The following PPM1G variants were observed in gnomAD, a reference collection of about 807,000 sequenced individuals.
The protein encoded by PPM1G is protein phosphatase 1G.
Under a neutral mutation model 59.4 loss-of-function variants are expected in PPM1G, and 12 were observed. The observed-to-expected ratio is 0.20, with a 90% confidence interval of 0.13 to 0.33. PPM1G has a LOEUF of 0.33. PPM1G is among the 10% of genes least tolerant of loss of function. The probability of loss-of-function intolerance (pLI) is 1.00; values close to 1 mark genes in which losing one functional copy is unlikely to be tolerated. For missense variants in PPM1G, 392 were observed against 681.3 expected (o/e 0.58, Z 4.73); for synonymous variants, 245 against 251.9 (o/e 0.97, Z 0.26).
intron 1 of PPM1G, among the ~76,000 whole-genome samples, chr2:27,404,544 C>T (rs551374373): frequency 5.8e-4 from 88 of 150,436 alleles, no homozygotes; most frequent in African/African-American, 1.3e-3. Flanking sequence ...TGCGAGACTC[C>T]GTTTCAAAAA....
intron 1 of PPM1G, 128 bp downstream of exon 1, chr2:27,409,175 G>A: frequency 7.5e-7 from 1 of 1,330,574 alleles, no homozygotes; most frequent in Non-Finnish European, 9.8e-7. Flanking sequence ...CTGTCGCCCC[G>A]CAAACGGCCG....
Position 27,384,528 on chromosome 2 carries a change from GAATT to G in PPM1G, c.825+141_825+144del. On this transcript the variant is annotated intron_variant, in intron 5 of 9. Coordinates refer to ENST00000344034, the MANE Select transcript of PPM1G (RefSeq NM_177983.3). This position sits in a 1 kb window ranked among gnomAD's most constrained non-coding sequence, Gnocchi z 4.8. ...GGTACCTGTGATGATGGAGCTCAAT[GAATT>G]CAAGACTAAAGCTTAGAATACAGTG... 9.7e-7 allele frequency: 1 copy of G among 1,033,094 alleles called. No individual in the cohort carries two copies. The allele number at this position is 1,033,094 out of a possible 1,614,324, so 64.0% of individuals were successfully genotyped here.
intron 1 of PPM1G, among the ~76,000 whole-genome samples, chr2:27,395,516 G>C (rs1217131251): frequency 6.6e-6 from 1 of 151,956 alleles, no homozygotes; most frequent in Non-Finnish European, 1.5e-5. Context: ...GCAATAGAGT[G>C]AGACTCTGTC....
intron 1 of PPM1G, among the ~76,000 whole-genome samples, chr2:27,395,352 C>T (rs746811673): frequency 2.7e-5 from 4 of 150,370 alleles, no homozygotes; most frequent in Non-Finnish European, 5.9e-5. Flanking sequence ...GCCAACATGG[C>T]AAAACCCCAT....
intron 1 of PPM1G, among the ~76,000 whole-genome samples, chr2:27,388,874 CA>C (rs376279784): frequency 0.56 from 65,395 of 116,740 alleles, 16,817 homozygotes; most frequent in African/African-American, 0.75. Context: ...GACTCCGTCT[CA>C]AAAAAAAAAA....
intron 1 of PPM1G, among the ~76,000 whole-genome samples, chr2:27,405,387 A>G (rs1344866016): frequency 6.6e-6 from 1 of 151,730 alleles, no homozygotes; most frequent in African/African-American, 2.4e-5. Flanking sequence ...TCTTAATCCC[A>G]AAGTACATAC....
Position 27,384,910 on chromosome 2 carries a change from A to C in PPM1G, c.588T>G (p.Thr196=). Residue 196 remains threonine (T), a synonymous_variant, in exon 5 of 10, where the codon ACT becomes ACG. Transcript: ENST00000344034. The surrounding 1 kb of genome is among the most constrained non-coding windows in gnomAD (Gnocchi z 4.8). Reference sequence around the variant, plus strand: ...CATTTTCTTGTGAAGGAGTTTCCCTAGTTGAGTCCTCAGGTCCTGCCTCCC... The same window carrying C: ...CATTTTCTTGTGAAGGAGTTTCCCTCGTTGAGTCCTCAGGTCCTGCCTCCC... ...LNGEAGPEDS[T]RETPSQENGP... 1 of 1,614,186 alleles carries C rather than the reference A, an allele frequency of 6.2e-7. No individual in the cohort carries two copies.
At chr2:27,403,040 A>G (rs1185850514) in intron 1 of PPM1G, among the ~76,000 whole-genome samples, 2 of 152,066 alleles carry the variant, frequency 1.3e-5, no homozygotes, top group Non-Finnish European at 2.9e-5. Context: ...GTAAAGGCAG[A>G]TAAGTGTAGT....
chr2:27,381,924 T>A (rs1364854916), intron 9 of PPM1G, 119 bp from the exon 10 acceptor site: 11 of 1,104,796 alleles, frequency 1.0e-5, no homozygotes, highest in Non-Finnish European at 1.3e-5. Context: ...GGGCAAGAGG[T>A]ATCACACAAC....
rs1455587868 is a variant in PPM1G at position 27,383,986 on chromosome 2, T to C, written c.932A>G (p.Glu311Gly). 6.5e-7 allele frequency: 1 copy of C among 1,550,070 alleles called. No homozygotes were observed. Among genetic ancestry groups the C allele is most frequent in the African/African-American group, 1.4e-5 (1 of 72,570 alleles). The part of the protein sequence containing the change: ...AEEDDEEEEE[E>G]MMVPGMEGKE... ...GCCTTCCATCCCTGGCACCATCATC[T>C]CTTCTTCTTCTTCTTCATCGTCCTC... is the stretch of plus-strand genomic sequence containing the variant. Residue 311 changes from glutamate to glycine, a missense_variant, in exon 6 of 10, where the codon GAG becomes GGG. Glu to Gly is a moderately conservative substitution (Grantham distance 98). This residue lies in a region of PPM1G where 188 missense variants were observed against 248.8 expected (regional missense o/e 0.76). Transcript: ENST00000344034. This position sits in a 1 kb window ranked among gnomAD's most constrained non-coding sequence, Gnocchi z 5.0.
Position 27,409,352 on chromosome 2 carries a change from G to C in PPM1G, c.71C>G (p.Pro24Arg), listed in dbSNP as rs746588751. 169 of 1,542,744 alleles carry C rather than the reference G, an allele frequency of 1.1e-4. 1 individual carries two copies. The highest frequency in any genetic ancestry group is 8.7e-4 in the Admixed American group (44 of 50,766). ...CATGGCGGAGAAGCCGTAGGGCAGC[G>C]GCAGGCGCGGGGCGCCGACCCCGTC... ...SGDGVGAPRL[P>R]LPYGFSAMQG... Residue 24 changes from proline to arginine, a missense_variant, in exon 1 of 10, where the codon CCG becomes CGG. Pro to Arg is a moderately radical substitution (Grantham distance 103). Coordinates refer to ENST00000344034, the MANE Select transcript of PPM1G (RefSeq NM_177983.3).
At chr2:27,394,741 T>TAAAA (rs397868730) in intron 1 of PPM1G, among the ~76,000 whole-genome samples, 30 of 107,908 alleles carry the variant, frequency 2.8e-4, no homozygotes, top group Admixed American at 5.2e-4. Flanking sequence ...GACTCTGTCT[T>TAAAA]AAAAAAAAAA....
At chr2:27,394,741 TAAAAA>T (rs397868730) in intron 1 of PPM1G, among the ~76,000 whole-genome samples, 72 of 107,908 alleles carry the variant, frequency 6.7e-4, no homozygotes, top group Non-Finnish European at 1.1e-3. Context: ...GACTCTGTCT[TAAAAA>T]AAAAAAAAAA....
chr2:27,396,819 C>A (rs112257157), intron 1 of PPM1G, among the ~76,000 whole-genome samples: 353 of 125,230 alleles, frequency 2.8e-3, no homozygotes, highest in African/African-American at 4.9e-3. Context: ...CCGTCTCCAA[C>A]AAAAAAAAAA....
chr2:27,400,472 G>T (rs1684156957), intron 1 of PPM1G, among the ~76,000 whole-genome samples: 1 of 151,994 alleles, frequency 6.6e-6, no homozygotes, highest in African/African-American at 2.4e-5. Flanking sequence ...AAAAATATCA[G>T]GCTGGGTGTG....
chr2:27,408,295 G>A (rs1471118355), intron 1 of PPM1G, among the ~76,000 whole-genome samples: 2 of 152,172 alleles, frequency 1.3e-5, no homozygotes, highest in Non-Finnish European at 2.9e-5. Context: ...GGTAGGTGGA[G>A]AAACCCTCAA....
rs551311009 is a variant in PPM1G at position 27,397,569 on chromosome 2, C to T, written c.121-10411G>A. Among the ~76,000 whole-genome samples, 15 of 152,184 alleles carry T rather than the reference C, an allele frequency of 9.9e-5. No individual in the cohort carries two copies. In the East Asian group the frequency reaches 1.7e-3, roughly 18 times the overall value. The stretch of plus-strand genomic sequence containing the variant: ...AATCACTTAATGCAATATAGCGTAT[C>T]GGTAGACTAAAGAACAAAACCCTAT... On this transcript the variant is annotated intron_variant, in intron 1 of 9. Coordinates refer to ENST00000344034, the MANE Select transcript of PPM1G (RefSeq NM_177983.3).
rs1355208831 is a variant in PPM1G, at chr2:27,381,306, A to T, written c.*293T>A. 8.3e-6 allele frequency: 4 copies of T among 480,274 alleles called. No homozygotes were observed. Among genetic ancestry groups the T allele is most frequent in the Admixed American group, 6.8e-5 (2 of 29,476 alleles). 29.8% of individuals were successfully genotyped at this position (480,274 alleles called of 1,614,324 possible). On this transcript the variant is annotated 3_prime_UTR_variant, in exon 10 of 10. Coordinates refer to ENST00000344034, the MANE Select transcript of PPM1G (RefSeq NM_177983.3). ...GCCGCCAATAAAAAAGAATGTCCTT[A>T]AATAAAGTTCACAGAGTAAAAACCA... is the stretch of plus-strand genomic sequence containing the variant.
At chr2:27,399,653 G>C (rs921226340) in intron 1 of PPM1G, among the ~76,000 whole-genome samples, 34 of 152,110 alleles carry the variant, frequency 2.2e-4, no homozygotes, top group Non-Finnish European at 4.1e-4. Flanking sequence ...TAGCCATTTA[G>C]CCATCAGAGA....
Sources: allele counts gnomAD v4.1 joint callset (sites outside exome capture counted in the v4.1 genomes callset), GRCh38; gene constraint gnomAD v4.1.1; regional missense constraint gnomAD v4.1.1; non-coding constraint Gnocchi (gnomAD v3.1); transcripts MANE v1.5; gene names NCBI Gene and HGNC (gene_info 2026-07-23, HGNC 2026-07-21).